DNAH3: variants seen among roughly 807,000 people sequenced by gnomAD.
The protein encoded by DNAH3 is dynein axonemal heavy chain 3.
In DNAH3, 332 loss-of-function variants were observed where a neutral mutation model predicts 432.5. The observed-to-expected ratio is 0.77, with a 90% CI of 0.70 to 0.84. The LOEUF is 0.84. DNAH3 is among the 40% of genes least tolerant of loss of function. The probability of loss-of-function intolerance (pLI) is 0.00; values close to 1 mark genes in which losing one functional copy is unlikely to be tolerated. For missense variants in DNAH3, 4,861 were observed against 5,114.0 expected, an observed-to-expected ratio of 0.95 and a Z score of 1.51; for synonymous variants, 1,956 against 1,900.2, an observed-to-expected ratio of 1.03 and a Z score of -0.76.
intron 5 of DNAH3, 179 bp downstream of exon 6, chr16:21,140,357 T>C: frequency 1.7e-6 from 1 of 575,392 alleles, no homozygotes; most frequent in Non-Finnish European, 3.1e-6. Context: ...TCTCTCCTTC[T>C]CTCTCACTCG....
rs368878050 is a variant in DNAH3 at position 21,058,774 on chromosome 16, G to A, written c.3814-578C>T. Among the ~76,000 whole-genome samples the A allele has an allele frequency of 1.5e-3, 228 of 152,194 alleles. 7 individuals carry two copies. The South Asian group carries it at 0.046, about 30-fold the overall frequency. ...ACACTGCATGTTCTCACTCATAAGT[G>A]GGAGTTGAACAATGAGAACACATGG... On this transcript the variant is annotated intron_variant, in intron 26 of 61. Transcript: ENST00000261383.
chr16:20,968,756 A>G (rs1468319170), intron 52 of DNAH3, among the ~76,000 whole-genome samples: 1 of 146,706 alleles, frequency 6.8e-6, no homozygotes, highest in African/African-American at 2.5e-5. Flanking sequence ...TCTCCCTCTA[A>G]TTTTCCATTC....
intron 57 of DNAH3, 37 bp from the exon 58 acceptor site, chr16:20,944,700 C>G (rs1229043387): frequency 1.2e-6 from 2 of 1,607,618 alleles, no homozygotes; most frequent in Non-Finnish European, 1.7e-6. Flanking sequence ...CAACGAGGGA[C>G]CCCAGAATCC....
intron 40 of DNAH3, among the ~76,000 whole-genome samples, chr16:21,020,348 G>GTGTGTGTGTGTATATATATATATATATA: frequency 8.7e-5 from 6 of 69,178 alleles, no homozygotes; most frequent in African/African-American, 3.8e-4. Flanking sequence ...TATAGTGTGT[G>GTGTGTGTGTGTATATATATATATATATA]TATATATATA....
At chr16:21,009,903 G>C (rs944838589) in intron 41 of DNAH3, among the ~76,000 whole-genome samples, 2 of 121,384 alleles carry the variant, frequency 1.6e-5, no homozygotes, top group African/African-American at 6.4e-5. Context: ...AAGAGGAGAG[G>C]AGAGGAGAGG....
exon 46 of DNAH3, chr16:20,987,793 T>C: frequency 6.2e-7 from 1 of 1,614,088 alleles, no homozygotes; most frequent in East Asian, 2.2e-5. Flanking sequence ...TGGCAAGAAG[T>C]TCTCCACTGC....
Position 20,972,955 on chromosome 16 carries a change from C to T in DNAH3, c.8259+2278G>A, listed in dbSNP as rs868351101. Among the ~76,000 whole-genome samples the T allele has an allele frequency of 2.0e-5, 3 of 152,108 alleles. No individual in the cohort carries two copies. The South Asian group carries it at 6.2e-4, about 32-fold the overall frequency. On this transcript the variant is annotated intron_variant, in intron 51 of 61. Coordinates refer to ENST00000261383, the Ensembl canonical transcript of DNAH3. ...TATTGGCCAGGCTGGTCTCCAACTC[C>T]TGACCTAAAGTGATGCACCTGCCTC... is the stretch of plus-strand genomic sequence containing the variant.
chr16:21,006,728 C>G (rs955668809), intron 41 of DNAH3, among the ~76,000 whole-genome samples: 1 of 152,192 alleles, frequency 6.6e-6, no homozygotes, highest in Non-Finnish European at 1.5e-5. Context: ...AGCTGTCACC[C>G]AGGCTGGAGT....
intron 51 of DNAH3, among the ~76,000 whole-genome samples, chr16:20,972,155 T>TGTTGCCAG (rs558702597): frequency 1.0e-3 from 153 of 152,298 alleles, no homozygotes; most frequent in Non-Finnish European, 1.6e-3. Flanking sequence ...GCAGCTCCGA[T>TGTTGCCAG]GTTGCCAGGT....
chr16:21,084,580 T>G (rs1200666446), intron 19 of DNAH3, among the ~76,000 whole-genome samples: 1 of 152,082 alleles, frequency 6.6e-6, no homozygotes, highest in East Asian at 1.9e-4. Flanking sequence ...CCTCGGCCTC[T>G]CAAAGTCCTG....
At chr16:20,933,136 G>C (rs1005368880) in exon 62 of DNAH3, 1 of 1,596,714 alleles carries the variant, frequency 6.3e-7, no homozygotes, top group South Asian at 1.1e-5. Context: ...TTTATTTTCT[G>C]TCTTGAGACA....
At chr16:21,063,468 T>TTTTA (rs1053875316) in intron 24 of DNAH3, among the ~76,000 whole-genome samples, 1 of 150,276 alleles carries the variant, frequency 6.7e-6, no homozygotes, top group Non-Finnish European at 1.5e-5. Context: ...CTTTTATTTA[T>TTTTA]TTTATTTATT....
In DNAH3 at chr16:20,936,515, G is replaced by GTTT. The variant is rs1042429602; in HGVS notation, c.11859+131_11859+133dup. 3.0e-5 allele frequency: 23 copies of GTTT among 763,806 alleles called. No individual in the cohort carries two copies. The African/African-American group carries it at 3.8e-4, about 13-fold the overall frequency. 47.3% of individuals were successfully genotyped at this position (763,806 alleles called of 1,614,324 possible). On this transcript the variant is annotated intron_variant, in intron 60 of 61. Coordinates refer to ENST00000261383, the Ensembl canonical transcript of DNAH3. The stretch of plus-strand genomic sequence containing the variant: ...TCCTGCTTCTAACTCCAGGAAGACT[G>GTTT]TTTCCAGAGGCTCAATCCAGGATGT...
intron 39 of DNAH3, among the ~76,000 whole-genome samples, chr16:21,022,439 A>T (rs1482535536): frequency 6.6e-6 from 1 of 152,210 alleles, no homozygotes; most frequent in African/African-American, 2.4e-5. Context: ...GTTTCTATAA[A>T]AAGTATTAGG....
intron 12 of DNAH3, among the ~76,000 whole-genome samples, chr16:21,113,656 G>C (rs529612500): frequency 6.6e-6 from 1 of 152,062 alleles, no homozygotes; most frequent in Non-Finnish European, 1.5e-5. Context: ...ACAGAATTTT[G>C]TCATGTTGGC....
At chr16:20,979,495 G>A (rs749092540) in exon 50 of DNAH3, 42 of 1,613,958 alleles carry the variant, frequency 2.6e-5, no homozygotes, top group South Asian at 4.4e-5. Context: ...TGTAATAATC[G>A]AGTGACAGCT....
chr16:20,964,510 A>C (rs750695346), exon 53 of DNAH3: 8 of 1,614,174 alleles, frequency 5.0e-6, no homozygotes, highest in Non-Finnish European at 6.8e-6. Flanking sequence ...TTCAATCAAG[A>C]CAGGGGTGCC....
intron 1 of DNAH3, among the ~76,000 whole-genome samples, chr16:21,147,614 TTA>T (rs1448462014): frequency 4.6e-5 from 7 of 152,322 alleles, no homozygotes; most frequent in African/African-American, 9.6e-5. Flanking sequence ...AAGCAACTCT[TTA>T]TGATTCCTGC....
intron 40 of DNAH3, among the ~76,000 whole-genome samples, 153 bp from the exon 41 acceptor site, chr16:21,020,022 AT>A (rs140295740): frequency 0.25 from 34,358 of 138,266 alleles, 4,005 homozygotes; most frequent in Admixed American, 0.3. Context: ...TTTCACATGC[AT>A]TTTTTTTTTT....
Sources: gnomAD v4.1 joint callset for allele counts (sites outside exome capture counted in the v4.1 genomes callset) on GRCh38, gnomAD v4.1.1 for gene constraint, MANE v1.5 for transcripts, NCBI Gene and HGNC (gene_info 2026-07-23, HGNC 2026-07-21) for gene names.